POLN: variants seen among roughly 807,000 people sequenced by gnomAD.
POLN encodes DNA polymerase N.
Under a neutral mutation model 113.5 loss-of-function variants are expected in POLN, and 108 were observed. The ratio of observed to expected loss-of-function variants is 0.95; its 90% CI spans 0.81 to 1.12. The LOEUF (loss-of-function observed/expected upper bound fraction) is 1.12. Among genes scored for constraint, POLN ranks in the 50% most tolerant of loss-of-function variants. The pLI, the probability that POLN is intolerant of heterozygous loss-of-function variation, is 0.00. For synonymous variants in POLN, 386 were observed against 391.5 expected (o/e 0.99, Z 0.17); for missense variants, 1,097 against 1,077.1 (o/e 1.02, Z -0.26).
chr4:2,075,535 G>A lies in POLN; in HGVS notation c.2388-16C>T, dbSNP rs201990285. 9.3e-6 allele frequency: 15 copies of A among 1,612,786 alleles called. No homozygotes were observed. Among genetic ancestry groups the A allele is most frequent in the African/African-American group, 8.0e-5 (6 of 75,038 alleles). ...GGCCACCAGCCTGGCAGGGAGGGAA[G>A]GAGTCACCCTGGGAGGCCAGGACTG... is the stretch of plus-strand genomic sequence containing the variant. On this transcript the variant is annotated splice_polypyrimidine_tract_variant and intron_variant, in intron 23 of 25. Coordinates refer to ENST00000511885, the MANE Select transcript of POLN (RefSeq NM_181808.4).
At chr4:2,074,318 G>A (rs983621862) in intron 24 of POLN, among the ~76,000 whole-genome samples, 2 of 152,130 alleles carry the variant, frequency 1.3e-5, no homozygotes, top group Non-Finnish European at 2.9e-5. Context: ...TGCAGGCCCC[G>A]CCCGACCCCT....
chr4:2,110,229 C>T (rs1731158238), intron 19 of POLN, among the ~76,000 whole-genome samples: 1 of 152,158 alleles, frequency 6.6e-6, no homozygotes, highest in Non-Finnish European at 1.5e-5. Flanking sequence ...CTCTGGGACA[C>T]ATTCAAAGCA....
chr4:2,081,982 T>C (rs1335510608), intron 21 of POLN, among the ~76,000 whole-genome samples: 1 of 126,998 alleles, frequency 7.9e-6, no homozygotes, highest in Non-Finnish European at 1.6e-5. Flanking sequence ...TGAGACAGAG[T>C]GAGACTCTGT....
intron 20 of POLN, 55 bp downstream of exon 20, chr4:2,095,796 A>G: frequency 6.7e-7 from 1 of 1,502,172 alleles, no homozygotes; most frequent in Admixed American, 1.7e-5. Flanking sequence ...ACACAGGCAC[A>G]CAGCTGCCAG....
At chr4:2,219,200 G>C (rs1734192601) in intron 3 of POLN, among the ~76,000 whole-genome samples, 1 of 152,122 alleles carries the variant, frequency 6.6e-6, no homozygotes, top group South Asian at 2.1e-4. Context: ...CTGGGCCAAG[G>C]TTCCATTTAT....
intron 3 of POLN, among the ~76,000 whole-genome samples, chr4:2,216,004 T>C (rs1734104503): frequency 6.6e-6 from 1 of 152,226 alleles, no homozygotes; most frequent in Non-Finnish European, 1.5e-5. Context: ...TCTCTGGCCA[T>C]AGCCCCAGCA....
chr4:2,154,198 CAAAAAAAAA>C lies in POLN; in HGVS notation c.1731+2581_1731+2589del, dbSNP rs58879582. Reference sequence around the variant, plus strand: ...GGGCGACAGCGAGACTCCATCTCAACAAAAAAAAAAAAAAAAAAAAAAAAAAGACATTTT... The same window carrying C: ...GGGCGACAGCGAGACTCCATCTCAACAAAAAAAAAAAAAAAAAGACATTTT... On this transcript the variant is annotated intron_variant, in intron 16 of 25. Coordinates refer to ENST00000511885, the MANE Select transcript of POLN (RefSeq NM_181808.4). Among the ~76,000 whole-genome samples, 77 of 63,926 alleles carry C rather than the reference CAAAAAAAAA, an allele frequency of 1.2e-3. 1 individual carries two copies. The highest frequency in any genetic ancestry group is 5.3e-3 in the African/African-American group (69 of 12,914). 41.9% of individuals were successfully genotyped at this position (63,926 alleles called of 152,430 possible).
Position 2,157,899 on chromosome 4 carries a change from T to A in POLN, c.1624A>T (p.Lys542Ter). Reference sequence around the variant, plus strand: ...AGTAATCCATCTACAAAGGTTGACTTGATCTTGTGAACCTAAGGTGGAAAG... The same window carrying A: ...AGTAATCCATCTACAAAGGTTGACTAGATCTTGTGAACCTAAGGTGGAAAG... ...ILEYRQVHKIKSTFVDGLLAC... is the reference protein window; with the variant it reads ...ILEYRQVHKI The change falls in exon 15 of 26, where the codon AAG becomes TAG. Residue 542 changes from lysine (K) to a stop codon, truncating the protein, a stop_gained. Coordinates refer to ENST00000511885, the MANE Select transcript of POLN (RefSeq NM_181808.4). LOFTEE classifies it high-confidence loss of function. 1 of 1,606,554 alleles carries A rather than the reference T, an allele frequency of 6.2e-7. No homozygotes were observed. The highest frequency in any genetic ancestry group is 8.5e-7 in the Non-Finnish European group (1 of 1,174,460).
At position 2,201,597 on chromosome 4, in the gene POLN, G is replaced by C. The variant is rs562249952; in HGVS notation, c.715-2880C>G. Among the ~76,000 whole-genome samples, 15 of 152,200 alleles carry C rather than the reference G, an allele frequency of 9.9e-5. No homozygotes were observed. The South Asian group carries it at 2.9e-3, about 29-fold the overall frequency. On this transcript the variant is annotated intron_variant, in intron 5 of 25. Coordinates refer to ENST00000511885, the MANE Select transcript of POLN (RefSeq NM_181808.4). ...AATAATTGGCATTCCTGAGGAAGAA[G>C]AGAAATCTAAAAAATTTGGAAAACA... is the stretch of plus-strand genomic sequence containing the variant.
At chr4:2,121,575 T>C (rs1465358491) in intron 19 of POLN, among the ~76,000 whole-genome samples, 1 of 152,062 alleles carries the variant, frequency 6.6e-6, no homozygotes, top group Non-Finnish European at 1.5e-5. Flanking sequence ...TTCATCTTAG[T>C]TAGATTTTGG....
intron 19 of POLN, among the ~76,000 whole-genome samples, chr4:2,105,130 T>C (rs1312144663): frequency 6.6e-6 from 1 of 152,170 alleles, no homozygotes; most frequent in African/African-American, 2.4e-5. Flanking sequence ...GAACTCTTGT[T>C]CTGACCTCCC....
chr4:2,073,084 G>C, intron 24 of POLN, 55 bp from the exon 25 acceptor site: 1 of 1,572,530 alleles, frequency 6.4e-7, no homozygotes, highest in South Asian at 1.1e-5. Context: ...TGGGGCCTGG[G>C]AGCCGAAGAT....
In POLN at chr4:2,213,082, G is replaced by A. The variant is rs1486650839; in HGVS notation, c.178C>T (p.Leu60Phe). The change falls in exon 4 of 26, where the codon CTT (leucine) becomes TTT (phenylalanine). Residue 60 changes from leucine to phenylalanine, a missense_variant. Leu to Phe is a conservative substitution (Grantham distance 22, BLOSUM62 0). Transcript: ENST00000511885. ...NKSSVKYSVQ[L>F]EDRKTQSPEK... ...GGTGATTGAGTCTTCCTGTCTTCAA[G>A]TTGTACTGAATACTTAACACTGGAC... is the stretch of plus-strand genomic sequence containing the variant. 7.5e-6 allele frequency: 12 copies of A among 1,610,220 alleles called. No homozygotes were observed. In the East Asian group the frequency reaches 1.3e-4, roughly 18 times the overall value.
intron 16 of POLN, among the ~76,000 whole-genome samples, chr4:2,149,789 AAG>A (rs1397380786): frequency 6.6e-6 from 1 of 151,976 alleles, no homozygotes; most frequent in South Asian, 2.1e-4. Context: ...TGTGTCTAAA[AAG>A]AGAGAGAGAG....
At chr4:2,121,091 T>C (rs1731427733) in intron 19 of POLN, among the ~76,000 whole-genome samples, 2 of 152,134 alleles carry the variant, frequency 1.3e-5, no homozygotes, top group African/African-American at 4.8e-5. Context: ...ATATGCAATA[T>C]TAATAAGTTG....
At chr4:2,144,588 A>G (rs1732087343) in intron 16 of POLN, among the ~76,000 whole-genome samples, 1 of 152,228 alleles carries the variant, frequency 6.6e-6, no homozygotes. Flanking sequence ...TAAATAATAT[A>G]TACACTACTG....
At chr4:2,110,437 G>T in intron 19 of POLN, among the ~76,000 whole-genome samples, 1 of 151,996 alleles carries the variant, frequency 6.6e-6, no homozygotes, top group East Asian at 1.9e-4. Flanking sequence ...TTCAAAAAAT[G>T]AATGAATCCA....
At chr4:2,179,802 C>T (rs564396456) in intron 7 of POLN, among the ~76,000 whole-genome samples, 2 of 152,154 alleles carry the variant, frequency 1.3e-5, no homozygotes, top group South Asian at 2.1e-4. Context: ...GTGGGTCATG[C>T]TACCTGCCTC....
At chr4:2,081,599 G>C in intron 22 of POLN, 34 bp downstream of exon 22, 5 of 1,602,514 alleles carry the variant, frequency 3.1e-6, no homozygotes, top group Non-Finnish European at 4.3e-6. Flanking sequence ...AGAAGCAAAT[G>C]GACACAGAAC....
Sources: gnomAD v4.1 joint callset for allele counts (sites outside exome capture counted in the v4.1 genomes callset) on GRCh38, gnomAD v4.1.1 for gene constraint, MANE v1.5 for transcripts, NCBI Gene and HGNC (gene_info 2026-07-23, HGNC 2026-07-21) for gene names.